RBFOX1: variants seen among roughly 807,000 people sequenced by gnomAD.
RBFOX1 encodes the protein RNA binding fox-1 homolog 1.
RBFOX1 carries 8 observed loss-of-function variants against 57.7 expected under a neutral mutation model. That is an observed-to-expected ratio of 0.14 (90% CI 0.08 to 0.25). RBFOX1 has a LOEUF of 0.25. Among genes scored for constraint, RBFOX1 ranks in the 10% least tolerant of loss-of-function variants. The pLI, the probability that RBFOX1 is intolerant of heterozygous loss-of-function variation, is 1.00. For synonymous variants in RBFOX1, 326 were observed against 222.4 expected, an observed-to-expected ratio of 1.47 and a Z score of -4.15; for missense variants, 611 against 548.5, an observed-to-expected ratio of 1.11 and a Z score of -1.14.
chr16:6,986,917 C>T lies in RBFOX1; in HGVS notation c.-15-65140C>T, dbSNP rs377717012. Among the ~76,000 whole-genome samples, 35 of 152,230 alleles carry T rather than the reference C, an allele frequency of 2.3e-4. 1 individual carries two copies. The South Asian group carries it at 7.0e-3, about 31-fold the overall frequency. On this transcript the variant is annotated intron_variant, in intron 3 of 15. Transcript: ENST00000550418. The stretch of plus-strand genomic sequence containing the variant: ...GAGGGACCTGAAAGGTTATCTAATC[C>T]ACCCCTTGCTCACCTGCCCACCCCG...
intron 3 of RBFOX1, among the ~76,000 whole-genome samples, chr16:5,705,934 A>G (rs1567423654): frequency 6.6e-6 from 1 of 152,192 alleles, no homozygotes; most frequent in East Asian, 1.9e-4. Flanking sequence ...TTATTGAGAC[A>G]GAGTCTTGCT....
rs114657889 is a variant in RBFOX1, at chr16:6,217,447, G to A, written c.-126-99548G>A. Among the ~76,000 whole-genome samples, 1,066 of 152,126 alleles carry A rather than the reference G, an allele frequency of 7.0e-3. 6 individuals are homozygous for A. Among genetic ancestry groups the A allele is most frequent in the African/African-American group, 0.022 (900 of 41,496 alleles). Reference sequence around the variant, plus strand: ...GATAATCAAACATTTCAGTATTATCGGGACCTTCCTGGGACTGAGCACACG... The same window carrying A: ...GATAATCAAACATTTCAGTATTATCAGGACCTTCCTGGGACTGAGCACACG... On this transcript the variant is annotated intron_variant, in intron 1 of 15. Transcript: ENST00000550418.
At chr16:6,472,877 G>A (rs1329080136) in intron 2 of RBFOX1, among the ~76,000 whole-genome samples, 3 of 151,740 alleles carry the variant, frequency 2.0e-5, no homozygotes, top group Non-Finnish European at 2.9e-5. Context: ...CACCCACCTC[G>A]GCCTCCCAAA....
chr16:5,555,590 C>A (rs2045637868), intron 2 of RBFOX1, among the ~76,000 whole-genome samples: 1 of 152,118 alleles, frequency 6.6e-6, no homozygotes, highest in South Asian at 2.1e-4. Flanking sequence ...ATTACTTTTG[C>A]ACCAACCTTA....
At chr16:6,494,487 T>C (rs186203432) in intron 2 of RBFOX1, among the ~76,000 whole-genome samples, 74 of 152,364 alleles carry the variant, frequency 4.9e-4, no homozygotes, top group Non-Finnish European at 7.9e-4. Flanking sequence ...AGTTTTGGGA[T>C]GGGCTTATTG....
At chr16:6,466,169 CA>C (rs1202325838) in intron 2 of RBFOX1, among the ~76,000 whole-genome samples, 1 of 148,886 alleles carries the variant, frequency 6.7e-6, no homozygotes, top group Non-Finnish European at 1.5e-5. Context: ...GCAGAGGTTG[CA>C]AGTGAGCTGA....
intron 4 of RBFOX1, among the ~76,000 whole-genome samples, chr16:5,977,952 C>A (rs1277292255): frequency 6.6e-6 from 1 of 151,718 alleles, no homozygotes; most frequent in African/African-American, 2.4e-5. Flanking sequence ...CCAGACATTG[C>A]CATGCTGGCT....
At position 5,979,017 on chromosome 16, in the gene RBFOX1, C is replaced by T. The variant is rs151338309; in HGVS notation, c.351+111682C>T. Among the ~76,000 whole-genome samples, 461 of 152,228 alleles carry T rather than the reference C, an allele frequency of 3.0e-3. 2 individuals are homozygous for T. Among genetic ancestry groups the T allele is most frequent in the African/African-American group, 0.011 (449 of 41,530 alleles). On this transcript the variant is annotated intron_variant, in intron 4 of 19. Coordinates refer to the RBFOX1 transcript ENST00000641259. The stretch of plus-strand genomic sequence containing the variant: ...GCTAAGAAAGTTACTAGGCCTAGGC[C>T]CCTCTCGCCTTCTCCTCCATTTTTG...
chr16:6,893,354 TCAA>T (rs1359724600), intron 3 of RBFOX1, among the ~76,000 whole-genome samples: 2 of 152,166 alleles, frequency 1.3e-5, no homozygotes, highest in African/African-American at 4.8e-5. Flanking sequence ...AAATACACGA[TCAA>T]GTCACAAAAG....
intron 3 of RBFOX1, among the ~76,000 whole-genome samples, chr16:6,724,372 G>C (rs1603462259): frequency 6.6e-6 from 1 of 152,030 alleles, no homozygotes; most frequent in Non-Finnish European, 1.5e-5. Context: ...AGCATGCCCA[G>C]CAAATTTTTA....
intron 4 of RBFOX1, among the ~76,000 whole-genome samples, chr16:7,083,458 A>G (rs1054004542): frequency 1.3e-5 from 2 of 152,030 alleles, no homozygotes; most frequent in Non-Finnish European, 2.9e-5. Flanking sequence ...AAGATTAAAT[A>G]TAAAAAAACA....
chr16:6,102,628 C>G (rs1055132498), intron 1 of RBFOX1, among the ~76,000 whole-genome samples: 4 of 152,256 alleles, frequency 2.6e-5, no homozygotes, highest in East Asian at 1.9e-4. Flanking sequence ...TTATCTACCT[C>G]TCATTTTTAT....
In RBFOX1 at chr16:7,242,111, C is replaced by G. The variant is rs759893699; in HGVS notation, c.27+190013C>G. 6.2e-4 allele frequency among the ~76,000 whole-genome samples: 94 copies of G among 152,234 alleles called. 1 individual carries two copies. The highest frequency in any genetic ancestry group is 6.1e-3 in the Admixed American group (94 of 15,292). On this transcript the variant is annotated intron_variant, in intron 4 of 15. Coordinates refer to ENST00000550418, the MANE Select transcript of RBFOX1 (RefSeq NM_018723.4). ...CACCAGGAATTTCCAAATTTTCCTT[C>G]TGTTGAGAACCCCTGCTTATTGCTT...
intron 4 of RBFOX1, among the ~76,000 whole-genome samples, chr16:5,873,256 C>T (rs1209462446): frequency 1.3e-5 from 2 of 152,196 alleles, no homozygotes; most frequent in Non-Finnish European, 2.9e-5. Context: ...TGCTGTGCTA[C>T]CTTTGCAACA....
At chr16:7,038,836 G>T (rs974175801) in intron 3 of RBFOX1, among the ~76,000 whole-genome samples, 1 of 152,158 alleles carries the variant, frequency 6.6e-6, no homozygotes, top group African/African-American at 2.4e-5. Context: ...AGGGTGCATG[G>T]CAGAGCAAGT....
intron 4 of RBFOX1, among the ~76,000 whole-genome samples, chr16:7,364,791 C>G (rs2097406337): frequency 6.6e-6 from 1 of 152,130 alleles, no homozygotes; most frequent in Non-Finnish European, 1.5e-5. Context: ...TGGAAGAAGT[C>G]AGAAGAAATC....
intron 3 of RBFOX1, among the ~76,000 whole-genome samples, chr16:5,631,471 C>G (rs1326824108): frequency 6.6e-6 from 1 of 151,808 alleles, no homozygotes; most frequent in East Asian, 1.9e-4. Context: ...GCAGGAGAAT[C>G]TCTTGAACCA....
chr16:6,525,380 G>A (rs533910091), intron 2 of RBFOX1, among the ~76,000 whole-genome samples: 1 of 152,280 alleles, frequency 6.6e-6, no homozygotes, highest in East Asian at 1.9e-4. Flanking sequence ...GAGCAAGAGC[G>A]TGAGCTGAGC....
At chr16:7,090,875 TTGA>T (rs1304553593) in intron 4 of RBFOX1, among the ~76,000 whole-genome samples, 1 of 84,606 alleles carries the variant, frequency 1.2e-5, no homozygotes, top group East Asian at 4.8e-4. Context: ...TAAAACCCTC[TTGA>T]CCAGCACAAC....
Sources: allele counts gnomAD v4.1 joint callset (sites outside exome capture counted in the v4.1 genomes callset), GRCh38; gene constraint gnomAD v4.1.1; transcripts MANE v1.5; gene names NCBI Gene and HGNC (gene_info 2026-07-23, HGNC 2026-07-21).